TMEM217B: variants seen among roughly 807,000 people sequenced by gnomAD.
The protein encoded by TMEM217B is putative transmembrane protein 217B.
At chr6:37,228,564 C>T in the TMEM217B span, among the ~76,000 whole-genome samples, 2 of 152,104 alleles carry the variant, frequency 1.3e-5, no homozygotes, top group East Asian at 1.9e-4. Context: ...ATTAGCCAGA[C>T]GTGGTGGCAT....
At chr6:37,249,652 C>T in the TMEM217B span, among the ~76,000 whole-genome samples, 4 of 152,180 alleles carry the variant, frequency 2.6e-5, no homozygotes. Flanking sequence ...TGAACAGAGA[C>T]TAAGATTTCT....
the TMEM217B span, among the ~76,000 whole-genome samples, chr6:37,240,417 C>T: frequency 6.6e-6 from 1 of 152,202 alleles, no homozygotes; most frequent in African/African-American, 2.4e-5. Context: ...AACTCAGTTC[C>T]TCACCTCCTG....
chr6:37,229,137 T>A, the TMEM217B span, among the ~76,000 whole-genome samples: 1 of 152,146 alleles, frequency 6.6e-6, no homozygotes, highest in South Asian at 2.1e-4. Flanking sequence ...ATTTCCTCGT[T>A]GATAGTTTCA....
At chr6:37,247,065 A>T in the TMEM217B span, among the ~76,000 whole-genome samples, 1 of 152,206 alleles carries the variant, frequency 6.6e-6, no homozygotes, top group Non-Finnish European at 1.5e-5. Flanking sequence ...AGATCTGGTC[A>T]TGTCATGTCC....
At chr6:37,224,187 C>T in the TMEM217B span, among the ~76,000 whole-genome samples, 8 of 151,294 alleles carry the variant, frequency 5.3e-5, no homozygotes, top group Non-Finnish European at 8.9e-5. Context: ...GATCCGCCTG[C>T]CTCGGCCTCC....
the TMEM217B span, among the ~76,000 whole-genome samples, chr6:37,216,820 G>A: frequency 4.6e-5 from 7 of 152,150 alleles, no homozygotes. Flanking sequence ...AAAGGGACAG[G>A]AGGGAACTAG....
the TMEM217B span, among the ~76,000 whole-genome samples, chr6:37,216,032 TGA>T: frequency 0.046 from 6,413 of 138,472 alleles, 158 homozygotes; most frequent in South Asian, 0.067. Flanking sequence ...TGTGTGTGTG[TGA>T]GAAACAGATA....
the TMEM217B span, among the ~76,000 whole-genome samples, chr6:37,227,582 G>A: frequency 6.6e-6 from 1 of 152,104 alleles, no homozygotes. Context: ...AAGTAGCTGG[G>A]ACTACAGGCG....
the TMEM217B span, among the ~76,000 whole-genome samples, chr6:37,215,524 TCACAC>T: frequency 2.5e-5 from 3 of 119,932 alleles, no homozygotes; most frequent in East Asian, 4.8e-4. Flanking sequence ...TGAGCTGATA[TCACAC>T]CACTGTACTC....
the TMEM217B span, among the ~76,000 whole-genome samples, chr6:37,214,974 A>G: frequency 4.6e-5 from 7 of 152,182 alleles, no homozygotes; most frequent in African/African-American, 1.7e-4. Context: ...TGAATTGTCT[A>G]AAAATAAGGC....
chr6:37,236,396 A>G, the TMEM217B span, among the ~76,000 whole-genome samples: 9 of 152,126 alleles, frequency 5.9e-5, no homozygotes, highest in Admixed American at 6.5e-5. Context: ...TTAGAGTATG[A>G]GCATGTGTAT....
At chr6:37,215,556 G>A in the TMEM217B span, among the ~76,000 whole-genome samples, 112 of 128,238 alleles carry the variant, frequency 8.7e-4, 3 homozygotes, top group East Asian at 0.016. Context: ...GGGCTGCAGA[G>A]CGAGACTCTG....
chr6:37,220,630 A>G, the TMEM217B span, among the ~76,000 whole-genome samples: 1 of 152,068 alleles, frequency 6.6e-6, no homozygotes, highest in African/African-American at 2.4e-5. Flanking sequence ...AAGTCGTCCT[A>G]AACTGAAAGT....
the TMEM217B span, chr6:37,219,133 G>A: frequency 8.8e-7 from 1 of 1,137,644 alleles, no homozygotes; most frequent in Admixed American, 2.4e-5. Flanking sequence ...ATCTACTTTG[G>A]AGAAATATAG....
the TMEM217B span, among the ~76,000 whole-genome samples, chr6:37,232,716 C>T: frequency 6.6e-6 from 1 of 152,218 alleles, no homozygotes; most frequent in Non-Finnish European, 1.5e-5. Flanking sequence ...TCCTCCTCTA[C>T]CCTGTTGTTA....
chr6:37,212,858 A>C, the TMEM217B span: 2 of 1,361,338 alleles, frequency 1.5e-6, no homozygotes, highest in Non-Finnish European at 2.1e-6. Flanking sequence ...TAGATGCTGA[A>C]CTTGGCCTCA....
chr6:37,250,585 G>C, the TMEM217B span, among the ~76,000 whole-genome samples: 18 of 152,230 alleles, frequency 1.2e-4, no homozygotes, highest in African/African-American at 3.4e-4. Flanking sequence ...GCCTTTCCTA[G>C]ATATTCCTAG....
chr6:37,219,022 C>G, the TMEM217B span: 6 of 1,612,422 alleles, frequency 3.7e-6, no homozygotes, highest in Non-Finnish European at 5.1e-6. Flanking sequence ...ACCACTGCTG[C>G]TGTTTCATGC....
the TMEM217B span, among the ~76,000 whole-genome samples, chr6:37,226,281 CTTTTTTTTTTTTT>C: frequency 1.2e-3 from 87 of 74,892 alleles, 1 homozygote; most frequent in South Asian, 0.017. Context: ...TTGAGACAGT[CTTTTTTTTTTTTT>C]TTTTTTTTTT....
Sources: allele counts gnomAD v4.1 joint callset (sites outside exome capture counted in the v4.1 genomes callset), GRCh38; gene constraint gnomAD v4.1.1; transcripts MANE v1.5; gene names NCBI Gene and HGNC (gene_info 2026-07-23, HGNC 2026-07-21).